ADAMTS12: variants seen among roughly 807,000 people sequenced by gnomAD.
ADAMTS12 encodes ADAM metallopeptidase with thrombospondin type 1 motif 12, also known as A disintegrin and metalloproteinase with thrombospondin motifs 12.
Under a neutral mutation model 167.8 loss-of-function variants are expected in ADAMTS12, and 118 were observed. The observed-to-expected ratio is 0.70, with a 90% confidence interval of 0.61 to 0.82. ADAMTS12 has a LOEUF of 0.82. ADAMTS12 is among the 40% of genes least tolerant of loss of function. The probability of loss-of-function intolerance (pLI) is 0.00; values close to 1 mark genes in which losing one functional copy is unlikely to be tolerated. For synonymous variants in ADAMTS12, 704 were observed against 716.9 expected, an observed-to-expected ratio of 0.98 and a Z score of 0.29; for missense variants, 1,916 against 1,998.8, an observed-to-expected ratio of 0.96 and a Z score of 0.79.
Position 33,576,800 on chromosome 5 carries a change from G to A in ADAMTS12, c.3226C>T (p.Leu1076=). ...QWQDSSTQPE[L]SSRYLISTGS... is the part of the protein sequence containing the mutation. The stretch of plus-strand genomic sequence containing the variant: ...GTGGAAATGAGATAGCGAGAGCTCA[G>A]CTCAGGTTGGGTTGAGCTATCTTGC... Residue 1076 remains leucine, a synonymous_variant, in exon 19 of 24, where the codon CTG becomes TTG. Coordinates refer to ENST00000504830, the MANE Select transcript of ADAMTS12 (RefSeq NM_030955.4). The A allele has an allele frequency of 1.9e-6, 3 of 1,614,216 alleles. No homozygotes were observed. The highest frequency in any genetic ancestry group is 4.5e-5 in the East Asian group (2 of 44,886).
At chr5:33,708,945 TA>T (rs1396335709) in intron 3 of ADAMTS12, among the ~76,000 whole-genome samples, 3 of 150,538 alleles carry the variant, frequency 2.0e-5, no homozygotes, top group Non-Finnish European at 3.0e-5. Context: ...TAAAGTATAC[TA>T]AAAAATAAAA....
chr5:33,679,474 G>C lies in ADAMTS12; in HGVS notation c.915+3544C>G, dbSNP rs533815954. ...AAGGAAGGAGAAGTGCCAAGCAGAG[G>C]GGGAAGAGCCCCTTATTAAACCATC... On this transcript the variant is annotated intron_variant, in intron 5 of 23. Coordinates refer to ENST00000504830, the MANE Select transcript of ADAMTS12 (RefSeq NM_030955.4). 2.6e-5 allele frequency among the ~76,000 whole-genome samples: 4 copies of C among 152,226 alleles called. No homozygotes were observed. In the South Asian group the frequency reaches 8.3e-4, roughly 32 times the overall value.
intron 17 of ADAMTS12, among the ~76,000 whole-genome samples, chr5:33,594,598 C>T (rs934828655): frequency 1.3e-5 from 2 of 152,118 alleles, no homozygotes; most frequent in African/African-American, 2.4e-5. Context: ...TCAGGTAAAA[C>T]CTAGTGCTAG....
intron 19 of ADAMTS12, among the ~76,000 whole-genome samples, chr5:33,569,485 G>A (rs886911990): frequency 1.3e-5 from 2 of 152,202 alleles, no homozygotes; most frequent in African/African-American, 2.4e-5. Context: ...CCAGGCAAAC[G>A]GGTCTGGAGT....
chr5:33,599,670 C>T lies in ADAMTS12; in HGVS notation c.2528-3610G>A, dbSNP rs376730819. 1.4e-4 allele frequency among the ~76,000 whole-genome samples: 22 copies of T among 152,290 alleles called. No individual in the cohort carries two copies. The East Asian group carries it at 3.5e-3, about 24-fold the overall frequency. ...CCATACCTTTGAAAGTAGGCAAGGT[C>T]GTCAGCTTGACTGTTCCAGCTGTTC... On this transcript the variant is annotated intron_variant, in intron 16 of 23. Transcript: ENST00000504830.
chr5:33,775,380 G>A lies in ADAMTS12; in HGVS notation c.490-23832C>T, dbSNP rs913332081. On this transcript the variant is annotated intron_variant, in intron 2 of 23. Coordinates refer to ENST00000504830, the MANE Select transcript of ADAMTS12 (RefSeq NM_030955.4). ...GAAAGCTCAGAAGAGAGGAAAGGAA[G>A]TTCTTGAACTTCACTATTTTGCTCA... 2.6e-5 allele frequency among the ~76,000 whole-genome samples: 4 copies of A among 152,134 alleles called. No homozygotes were observed. The East Asian group carries it at 7.7e-4, about 29-fold the overall frequency.
Position 33,576,925 on chromosome 5 carries a change from G to A in ADAMTS12, c.3101C>T (p.Thr1034Ile), listed in dbSNP as rs1412081868. 4 of 1,614,190 alleles carry A rather than the reference G, an allele frequency of 2.5e-6. No homozygotes were observed. Among genetic ancestry groups the A allele is most frequent in the South Asian group, 2.2e-5 (2 of 91,084 alleles). ...PPTSRPRMLT[T>I]PTGPESMSTS... The stretch of plus-strand genomic sequence containing the variant: ...GCTCATAGACTCAGGCCCTGTGGGT[G>A]TGGTCAGCATTCTGGGCCTGGATGT... The change falls in exon 19 of 24, where the codon ACA becomes ATA. Residue 1034 changes from threonine (T) to isoleucine (I), a missense_variant. Physicochemically the swap from Thr to Ile is moderately conservative, Grantham distance 89. Transcript: ENST00000504830.
intron 2 of ADAMTS12, among the ~76,000 whole-genome samples, chr5:33,763,559 A>G (rs1745429204): frequency 6.6e-6 from 1 of 152,196 alleles, no homozygotes; most frequent in African/African-American, 2.4e-5. Flanking sequence ...GCCCTAGGAA[A>G]CTAATACACC....
At position 33,588,723 on chromosome 5, in the gene ADAMTS12, A is replaced by G; in HGVS notation, c.2741T>C (p.Met914Thr). The G allele has an allele frequency of 1.2e-6, 2 of 1,614,130 alleles. No individual in the cohort carries two copies. The highest frequency in any genetic ancestry group is 1.7e-6 in the Non-Finnish European group (2 of 1,180,026). Residue 914 changes from methionine to threonine, a missense_variant, in exon 18 of 24, where the codon ATG (methionine) becomes ACG (threonine). Coordinates refer to ENST00000504830, the MANE Select transcript of ADAMTS12 (RefSeq NM_030955.4). Reference protein sequence around the residue: ...KKRTVLCIQTMVSDEQALPPT... With the variant: ...KKRTVLCIQTTVSDEQALPPT... ...CGGGAGAGCCTGCTCGTCAGAGACC[A>G]TGGTCTGGATGCACAGCACGGTTCG...
At chr5:33,601,147 C>T (rs1446807529) in intron 16 of ADAMTS12, among the ~76,000 whole-genome samples, 1 of 127,676 alleles carries the variant, frequency 7.8e-6, no homozygotes. Flanking sequence ...GTGTGATCAA[C>T]AATCACAACA....
At chr5:33,651,732 G>A (rs758410519) in intron 7 of ADAMTS12, among the ~76,000 whole-genome samples, 5 of 152,088 alleles carry the variant, frequency 3.3e-5, no homozygotes, top group Non-Finnish European at 5.9e-5. Context: ...GGCTTCTAGT[G>A]TACCTATCAC....
chr5:33,891,688 T>TA (rs1458447976), intron 1 of ADAMTS12, 42 bp downstream of exon 1: 3 of 1,612,348 alleles, frequency 1.9e-6, no homozygotes, highest in Non-Finnish European at 2.5e-6. Flanking sequence ...CCGCAAGTCT[T>TA]ACCACCACTG....
At chr5:33,662,770 ATAGTCAGCTCTT>A (rs913469861) in intron 5 of ADAMTS12, among the ~76,000 whole-genome samples, 6 of 152,244 alleles carry the variant, frequency 3.9e-5, no homozygotes, top group Non-Finnish European at 8.8e-5. Flanking sequence ...AAGAAGAAAA[ATAGTCAGCTCTT>A]TAGTGGCTCC....
intron 2 of ADAMTS12, among the ~76,000 whole-genome samples, chr5:33,804,045 C>T (rs1471017135): frequency 6.6e-6 from 1 of 152,146 alleles, no homozygotes; most frequent in East Asian, 1.9e-4. Flanking sequence ...CCTTAATTTT[C>T]TCATTAAAAA....
chr5:33,683,204 T>C, intron 4 of ADAMTS12, 103 bp from the exon 5 acceptor site: 2 of 864,100 alleles, frequency 2.3e-6, no homozygotes, highest in Non-Finnish European at 3.6e-6. Flanking sequence ...AAGGTTTTCT[T>C]ATAGGTCAGA....
intron 2 of ADAMTS12, among the ~76,000 whole-genome samples, chr5:33,837,389 T>A (rs1462229038): frequency 6.6e-6 from 1 of 152,198 alleles, no homozygotes; most frequent in Admixed American, 6.5e-5. Flanking sequence ...TCAGTTGAGT[T>A]GCTGCTTTTA....
At chr5:33,538,364 A>G (rs951841031) in intron 22 of ADAMTS12, among the ~76,000 whole-genome samples, 1 of 152,182 alleles carries the variant, frequency 6.6e-6, no homozygotes, top group African/African-American at 2.4e-5. Flanking sequence ...CTCACCTGCC[A>G]CTGGGTCTCT....
intron 2 of ADAMTS12, among the ~76,000 whole-genome samples, chr5:33,869,157 C>A (rs1278637221): frequency 1.3e-5 from 2 of 152,150 alleles, no homozygotes; most frequent in African/African-American, 4.8e-5. Context: ...GGCACTACTG[C>A]CCTGTGCAAC....
intron 3 of ADAMTS12, among the ~76,000 whole-genome samples, chr5:33,713,345 C>T (rs1743475494): frequency 1.3e-5 from 2 of 152,092 alleles, no homozygotes; most frequent in South Asian, 4.1e-4. Context: ...ACCAAGTAAA[C>T]AGAAACCACC....
Sources: allele counts gnomAD v4.1 joint callset (sites outside exome capture counted in the v4.1 genomes callset), GRCh38; gene constraint gnomAD v4.1.1; transcripts MANE v1.5; gene names NCBI Gene and HGNC (gene_info 2026-07-23, HGNC 2026-07-21).